Variants in LETM1 observed in about 807,000 individuals in gnomAD.
LETM1 encodes the protein leucine zipper and EF-hand containing transmembrane protein 1.
Under a neutral mutation model 74.5 loss-of-function variants are expected in LETM1, and 50 were observed. The observed-to-expected ratio is 0.67, with a 90% CI of 0.53 to 0.85. The LOEUF (loss-of-function observed/expected upper bound fraction) is 0.85, where lower values mean the gene tolerates loss of function less well. Ranked by LOEUF, LETM1 falls within the 40% of genes least tolerant of loss-of-function variation. The pLI is 0.00. For missense variants in LETM1, 824 were observed against 967.8 expected, an observed-to-expected ratio of 0.85 and a Z score of 1.97; for synonymous variants, 446 against 407.1, an observed-to-expected ratio of 1.10 and a Z score of -1.15.
At chr4:1,838,395 G>T (rs189840170) in intron 3 of LETM1, among the ~76,000 whole-genome samples, 1 of 152,134 alleles carries the variant, frequency 6.6e-6, no homozygotes, top group Non-Finnish European at 1.5e-5. Flanking sequence ...ACTGCGCCCG[G>T]CCAGGATTAT....
At chr4:1,843,712 G>C (rs966454048) in intron 2 of LETM1, among the ~76,000 whole-genome samples, 2 of 152,208 alleles carry the variant, frequency 1.3e-5, no homozygotes, top group Non-Finnish European at 2.9e-5. Context: ...CCCAATCCCT[G>C]TGAGGGCAGC....
intron 3 of LETM1, among the ~76,000 whole-genome samples, chr4:1,837,860 G>A (rs570025812): frequency 2.6e-5 from 4 of 151,640 alleles, no homozygotes; most frequent in Non-Finnish European, 4.4e-5. Flanking sequence ...GCGCCACCAC[G>A]CCTAGCTAAT....
Position 1,841,583 on chromosome 4 carries a change from C to T in LETM1, c.358G>A (p.Val120Ile), listed in dbSNP as rs2108851753. ...SSRPVRDDSVVEKSLKSLKDK... is the reference protein window; with the variant it reads ...SSRPVRDDSVIEKSLKSLKDK... ...TTCAAGGACTTGAGGGACTTCTCTA[C>T]TACCGAGTCATCGCGAACAGGGCGC... Residue 120 changes from valine to isoleucine, a missense_variant, in exon 3 of 14, where the codon GTA becomes ATA. Coordinates refer to ENST00000302787, the MANE Select transcript of LETM1 (RefSeq NM_012318.3). 1 of 1,614,262 alleles carries T rather than the reference C, an allele frequency of 6.2e-7. No individual in the cohort carries two copies. The highest frequency in any genetic ancestry group is 8.5e-7 in the Non-Finnish European group (1 of 1,180,052).
At chr4:1,819,511 G>A (rs758787886) in intron 10 of LETM1, 39 bp from the exon 11 acceptor site, 6 of 1,593,600 alleles carry the variant, frequency 3.8e-6, no homozygotes, top group Non-Finnish European at 5.1e-6. Context: ...CCTGAGCCAA[G>A]GGAAAGAACT....
At chr4:1,846,728 T>C (rs867232251) in intron 2 of LETM1, 4 of 152,224 alleles carry the variant, frequency 2.6e-5, no homozygotes, top group Non-Finnish European at 5.9e-5. Context: ...GCTATTGTGA[T>C]ACCGCATGAC....
intron 6 of LETM1, among the ~76,000 whole-genome samples, chr4:1,829,034 C>T (rs1441786358): frequency 6.9e-5 from 6 of 87,470 alleles, no homozygotes; most frequent in Non-Finnish European, 1.1e-4. Flanking sequence ...GCTGGCCGGG[C>T]GGGAGCTGAC....
At position 1,850,510 on chromosome 4, in the gene LETM1, C is replaced by T. The variant is rs189475380; in HGVS notation, c.83-1301G>A. 3.6e-3 allele frequency among the ~76,000 whole-genome samples: 555 copies of T among 152,124 alleles called. 3 individuals are homozygous for T. The highest frequency in any genetic ancestry group is 6.4e-3 in the Non-Finnish European group (438 of 68,008). ...CAAGGGGCAAGAGCTGTAAGAATTA[C>T]TACAACCGGACCGGGCGCAGTGGCT... On this transcript the variant is annotated intron_variant, in intron 1 of 13. Coordinates refer to ENST00000302787, the MANE Select transcript of LETM1 (RefSeq NM_012318.3).
intron 3 of LETM1, among the ~76,000 whole-genome samples, chr4:1,839,815 G>A (rs1174361133): frequency 6.6e-6 from 1 of 152,240 alleles, no homozygotes; most frequent in Non-Finnish European, 1.5e-5. Context: ...CCAGAAAGCT[G>A]AACACGGTAG....
chr4:1,848,577 G>A (rs1577327650), intron 2 of LETM1, among the ~76,000 whole-genome samples: 2 of 149,592 alleles, frequency 1.3e-5, no homozygotes, highest in Non-Finnish European at 1.5e-5. Flanking sequence ...TTAGCCAGGC[G>A]CAGTGAGGCA....
chr4:1,850,840 C>T (rs1051126881), intron 1 of LETM1, among the ~76,000 whole-genome samples: 6 of 151,122 alleles, frequency 4.0e-5, no homozygotes, highest in South Asian at 2.1e-4. Context: ...ATGGCAGGTG[C>T]CTGTAATCCC....
chr4:1,849,943 G>C lies in LETM1; in HGVS notation c.83-734C>G, dbSNP rs113735699. On this transcript the variant is annotated intron_variant, in intron 1 of 13. Transcript: ENST00000302787. ...AGGCAAAGGCGAGTGGATCACCTGA[G>C]GCCAGGAGTTCAAGACCAGCTTGAC... Among the ~76,000 whole-genome samples the C allele has an allele frequency of 8.7e-3, 1,329 of 152,272 alleles. 13 individuals carry two copies. The highest frequency in any genetic ancestry group is 0.031 in the African/African-American group (1,269 of 41,570).
intron 1 of LETM1, 95 bp from the exon 2 acceptor site, chr4:1,849,304 G>A (rs1224288922): frequency 1.3e-5 from 11 of 863,734 alleles, no homozygotes; most frequent in Middle Eastern, 2.9e-4. Context: ...TCGCTCTTGC[G>A]CCCAGGCTAG....
intron 5 of LETM1, chr4:1,833,979 C>T (rs1712372221): frequency 6.6e-6 from 1 of 152,298 alleles, no homozygotes; most frequent in African/African-American, 2.4e-5. Context: ...CAAAGCATGG[C>T]TCCCCCTAAA....
chr4:1,828,517 C>CT (rs1268662278), intron 6 of LETM1, among the ~76,000 whole-genome samples: 1 of 126,178 alleles, frequency 7.9e-6, no homozygotes, highest in Non-Finnish European at 1.7e-5. Flanking sequence ...GACCCCCCCC[C>CT]CCACCTCCCT....
intron 2 of LETM1, among the ~76,000 whole-genome samples, chr4:1,847,551 G>T (rs1454742468): frequency 6.6e-6 from 1 of 152,016 alleles, no homozygotes; most frequent in Non-Finnish European, 1.5e-5. Flanking sequence ...TAGGCGCAGT[G>T]GCTCACACCT....
chr4:1,816,755 G>C lies in LETM1; in HGVS notation c.1903C>G (p.Leu635Val). 6.2e-7 allele frequency: 1 copy of C among 1,614,182 alleles called. No individual in the cohort carries two copies. Among genetic ancestry groups the C allele is most frequent in the Non-Finnish European group, 8.5e-7 (1 of 1,180,002 alleles). ...QLEMDQQAGK[L>V]APANGMPTGE... ...GTGGGCATGCCGTTGGCCGGGGCCA[G>C]CTTGCCAGCCTGCTGGTCCATCTCC... Residue 635 changes from leucine to valine, a missense_variant, in exon 12 of 14, where the codon CTG becomes GTG. Around this residue, in one of 4 missense-constraint regions of LETM1, gnomAD observed 161 missense variants for 252.7 expected, o/e 0.64. Transcript: ENST00000302787.
At chr4:1,851,793 G>A (rs1044493028) in intron 1 of LETM1, among the ~76,000 whole-genome samples, 5 of 152,206 alleles carry the variant, frequency 3.3e-5, no homozygotes, top group Non-Finnish European at 5.9e-5. Flanking sequence ...GCTCCGCCCG[G>A]CAAGCAGGCA....
chr4:1,814,361 C>T lies in LETM1; in HGVS notation c.*63G>A, dbSNP rs1229339474. The T allele has an allele frequency of 1.1e-5, 17 of 1,609,508 alleles. No individual in the cohort carries two copies. The highest frequency in any genetic ancestry group is 6.7e-5 in the Admixed American group (4 of 59,858). ...CCACTGAGAATCACCACAAAGCAAT[C>T]GCCCTCACGGCCCTTGCCAGGGTGA... On this transcript the variant is annotated 3_prime_UTR_variant, in exon 14 of 14. Transcript: ENST00000302787.
At chr4:1,855,803 C>A in intron 1 of LETM1, 66 bp downstream of exon 1, 1 of 975,828 alleles carries the variant, frequency 1.0e-6, no homozygotes. Context: ...CCCGAACCCG[C>A]GGGTCGTCCG....
Sources: gnomAD v4.1 joint callset for allele counts (sites outside exome capture counted in the v4.1 genomes callset) on GRCh38, gnomAD v4.1.1 for gene constraint, gnomAD v4.1.1 regional missense constraint, MANE v1.5 for transcripts, NCBI Gene and HGNC (gene_info 2026-07-23, HGNC 2026-07-21) for gene names.